EIF6: variants seen among roughly 807,000 people sequenced by gnomAD.
EIF6 encodes eukaryotic translation initiation factor 6, also known as B4 integrin interactor.
EIF6 carries 10 observed loss-of-function variants against 25.5 expected under a neutral mutation model. The ratio of observed to expected loss-of-function variants is 0.39; its 90% CI spans 0.24 to 0.66. The LOEUF (loss-of-function observed/expected upper bound fraction) is 0.66. Ranked by LOEUF, EIF6 falls within the 30% of genes least tolerant of loss-of-function variation. The pLI is 0.45. For synonymous variants in EIF6, 122 were observed against 122.6 expected (o/e 1.00, Z 0.03); for missense variants, 246 against 315.4 (o/e 0.78, Z 1.67).
chr20:35,279,423 C>T, intron 6 of EIF6, 143 bp downstream of exon 6: 1 of 1,224,886 alleles, frequency 8.2e-7, no homozygotes, highest in Non-Finnish European at 1.2e-6. Context: ...ATCTGCTCAG[C>T]AGTGTACAGA....
At position 35,278,957 on chromosome 20, in the gene EIF6, A is replaced by T. The variant is rs983969377; in HGVS notation, c.*240T>A. 10 of 588,144 alleles carry T rather than the reference A, an allele frequency of 1.7e-5. No individual in the cohort carries two copies. In the South Asian group the frequency reaches 1.9e-4, roughly 11 times the overall value. The allele number at this position is 588,144 out of a possible 1,614,324, so 36.4% of individuals were successfully genotyped here. ...CTGCACTTTAATGGGGTGGCACAGG[A>T]CAGCAGAACCCTCAGCCAGCAGCCA... On this transcript the variant is annotated 3_prime_UTR_variant, in exon 7 of 7. Coordinates refer to ENST00000374450, the MANE Select transcript of EIF6 (RefSeq NM_002212.4).
At chr20:35,280,200 C>T in intron 4 of EIF6, 82 bp from the exon 5 acceptor site, 2 of 1,478,336 alleles carry the variant, frequency 1.4e-6, no homozygotes, top group Admixed American at 3.9e-5. Context: ...AGCATCCAGG[C>T]CTTGGCTCCC....
intron 4 of EIF6, 106 bp downstream of exon 4, chr20:35,280,548 A>G (rs2060765189): frequency 7.2e-7 from 1 of 1,383,440 alleles, no homozygotes; most frequent in African/African-American, 1.5e-5. Context: ...GCCCATATAG[A>G]AAAACCACAG....
intron 6 of EIF6, among the ~76,000 whole-genome samples, 174 bp from the exon 7 acceptor site, chr20:35,279,380 C>T (rs542827998): frequency 6.6e-6 from 1 of 152,280 alleles, no homozygotes; most frequent in African/African-American, 2.4e-5. Context: ...TTAGCAGATG[C>T]TCAAGAAATA....
Position 35,284,167 on chromosome 20 carries a change from C to G in EIF6, c.193+9G>C, listed in dbSNP as rs1389085224. The G allele has an allele frequency of 6.3e-7, 1 of 1,577,870 alleles. No individual in the cohort carries two copies. Among genetic ancestry groups the G allele is most frequent in the Non-Finnish European group, 8.6e-7 (1 of 1,161,056 alleles). On this transcript the variant is annotated intron_variant, in intron 3 of 6. Coordinates refer to ENST00000374450, the MANE Select transcript of EIF6 (RefSeq NM_002212.4). ...CACTCCCTCCCTCGGCGTCCTCCAC[C>G]TGCCTTACCCACACACATGCGCCCG...
rs2060811629 is a variant in EIF6 at position 35,284,736 on chromosome 20, G to C, written c.-16C>G. ...CTCACACCAGCTTACCAAGTAACCA[G>C]TAACAAGCTCCGCACGCGGCGACTG... On this transcript the variant is annotated 5_prime_UTR_variant, in exon 1 of 7. Coordinates refer to ENST00000374450, the MANE Select transcript of EIF6 (RefSeq NM_002212.4). 3.6e-6 allele frequency: 2 copies of C among 552,680 alleles called. No homozygotes were observed. Among genetic ancestry groups the C allele is most frequent in the Non-Finnish European group, 6.4e-6 (2 of 310,724 alleles). 34.2% of individuals were successfully genotyped at this position (552,680 alleles called of 1,614,324 possible). A position where few individuals can be genotyped will look rare whatever the true frequency, so the allele number is the denominator to read the frequency against.
chr20:35,284,603 T>G, intron 1 of EIF6, 111 bp from the exon 2 acceptor site: 1 of 1,300,748 alleles, frequency 7.7e-7, no homozygotes, highest in South Asian at 1.4e-5. Context: ...TCCCGGCCCC[T>G]CCGTCCTCGG....
At chr20:35,281,334 C>T (rs1373211349) in intron 3 of EIF6, among the ~76,000 whole-genome samples, 5 of 150,032 alleles carry the variant, frequency 3.3e-5, no homozygotes, top group South Asian at 2.1e-4. Context: ...TGCAGTGAGC[C>T]GAGATCGCGC....
chr20:35,280,328 T>C (rs1412632418), intron 4 of EIF6, among the ~76,000 whole-genome samples: 1 of 152,194 alleles, frequency 6.6e-6, no homozygotes, highest in African/African-American at 2.4e-5. Context: ...ATGCATGCCC[T>C]GAACAGCTGG....
intron 3 of EIF6, among the ~76,000 whole-genome samples, chr20:35,281,113 G>A (rs1294057973): frequency 6.6e-6 from 1 of 152,160 alleles, no homozygotes; most frequent in Non-Finnish European, 1.5e-5. Context: ...GGGCGTGTTG[G>A]CTCACGCCTG....
intron 3 of EIF6, among the ~76,000 whole-genome samples, chr20:35,281,107 G>T (rs538615496): frequency 5.3e-5 from 8 of 152,296 alleles, no homozygotes; most frequent in Admixed American, 1.3e-4. Flanking sequence ...GCTGCCGGGC[G>T]TGTTGGCTCA....
Position 35,280,034 on chromosome 20 carries a change from A to G in EIF6, c.454T>C (p.Cys152Arg). The part of the protein sequence containing the change: ...VADQVLVGSY[C>R]VFSNQGGLVH... ...AGCCCTCCCTGATTGCTGAAGACAC[A>G]GTAGCTTCCTACTAGCACCTGGTCG... The change falls in exon 5 of 7, where the codon TGT (cysteine) becomes CGT (arginine). Residue 152 changes from cysteine (C) to arginine (R), a missense_variant. Cys to Arg is a radical substitution (Grantham distance 180). Coordinates refer to ENST00000374450, the MANE Select transcript of EIF6 (RefSeq NM_002212.4). The G allele has an allele frequency of 6.2e-7, 1 of 1,614,256 alleles. No individual in the cohort carries two copies. Among genetic ancestry groups the G allele is most frequent in the Non-Finnish European group, 8.5e-7 (1 of 1,180,050 alleles).
At position 35,279,741 on chromosome 20, in the gene EIF6, TC is replaced by T; in HGVS notation, c.552del (p.Thr185LeufsTer2). The T allele has an allele frequency of 6.2e-7, 1 of 1,613,918 alleles. No homozygotes were observed. Among genetic ancestry groups the T allele is most frequent in the Non-Finnish European group, 8.5e-7 (1 of 1,179,946 alleles). On this transcript the variant is annotated frameshift_variant, in exon 6 of 7. Coordinates refer to ENST00000374450, the MANE Select transcript of EIF6 (RefSeq NM_002212.4). LOFTEE classifies it high-confidence loss of function. ...ATCACCTCACTGCCTCGGTTCACAGTCCCCGCCTGCCAAGGGATGGGCTCAA... is the reference window on the plus strand; with the variant it reads ...ATCACCTCACTGCCTCGGTTCACAGTCCCGCCTGCCAAGGGATGGGCTCAA... ...SSLLQVPLVA[G>X]TVNRGSEVIA...
intron 2 of EIF6, 60 bp from the exon 3 acceptor site, chr20:35,284,321 G>A (rs376180028): frequency 6.2e-7 from 1 of 1,613,856 alleles, no homozygotes; most frequent in South Asian, 1.1e-5. Context: ...CCCACTGCCG[G>A]AGCTCTTGAC....
Position 35,279,038 on chromosome 20 carries a change from G to A in EIF6, c.*159C>T. ...GTTTTTGCAGTAATGATAGATCCAG[G>A]CGATAAGCACAGGTGGAAAAGGGTT... On this transcript the variant is annotated 3_prime_UTR_variant, in exon 7 of 7. Transcript: ENST00000374450. The A allele has an allele frequency of 1.1e-6, 1 of 887,360 alleles. No homozygotes were observed. Among genetic ancestry groups the A allele is most frequent in the Non-Finnish European group, 1.8e-6 (1 of 554,050 alleles). 55.0% of individuals were successfully genotyped at this position (887,360 alleles called of 1,614,324 possible). A position where few individuals can be genotyped will look rare whatever the true frequency, so the allele number is the denominator to read the frequency against.
intron 4 of EIF6, 48 bp from the exon 5 acceptor site, chr20:35,280,166 G>C (rs1310667144): frequency 6.3e-7 from 1 of 1,590,880 alleles, no homozygotes; most frequent in Non-Finnish European, 8.6e-7. Flanking sequence ...TACAGCCCCA[G>C]AACCAAGGTT....
intron 5 of EIF6, 21 bp from the exon 6 acceptor site, chr20:35,279,768 T>C (rs369760800): frequency 6.2e-6 from 10 of 1,612,630 alleles, no homozygotes; most frequent in African/African-American, 2.7e-5. Context: ...ATGGGCTCAA[T>C]GTGAGTCACG....
chr20:35,281,098 C>T (rs1485256583), intron 3 of EIF6, among the ~76,000 whole-genome samples: 1 of 152,170 alleles, frequency 6.6e-6, no homozygotes, highest in East Asian at 1.9e-4. Flanking sequence ...AAAAACTGAG[C>T]TGCCGGGCGT....
At position 35,279,627 on chromosome 20, in the gene EIF6, T is replaced by C; in HGVS notation, c.667A>G (p.Lys223Glu). The C allele has an allele frequency of 6.2e-7, 1 of 1,614,132 alleles. No individual in the cohort carries two copies. Among genetic ancestry groups the C allele is most frequent in the Non-Finnish European group, 8.5e-7 (1 of 1,180,032 alleles). ...GTGCTAGGCTGGGCTTCATTCAGCTTGAAGACACTCTCCACCACTGACAGC... is the reference window on the plus strand; with the variant it reads ...GTGCTAGGCTGGGCTTCATTCAGCTCGAAGACACTCTCCACCACTGACAGC... ...TELSVVESVF[K>E]LNEAQPSTIA... Residue 223 changes from lysine (K) to glutamate (E), a missense_variant, in exon 6 of 7, where the codon AAG becomes GAG. Lys to Glu is a moderately conservative substitution (Grantham distance 56, BLOSUM62 1). Transcript: ENST00000374450.
Sources: gnomAD v4.1 joint callset for allele counts (sites outside exome capture counted in the v4.1 genomes callset) on GRCh38, gnomAD v4.1.1 for gene constraint, MANE v1.5 for transcripts, NCBI Gene and HGNC (gene_info 2026-07-23, HGNC 2026-07-21) for gene names.